The following LRBA variants were observed in gnomAD, a reference collection of about 807,000 sequenced individuals.
The protein encoded by LRBA is lipopolysaccharide-responsive and beige-like anchor protein.
Under a neutral mutation model 330.0 loss-of-function variants are expected in LRBA, and 176 were observed. That is an observed-to-expected ratio of 0.53 (90% confidence interval 0.47 to 0.60). LRBA has a LOEUF of 0.60. LRBA is among the 20% of genes least tolerant of loss of function. The pLI, the probability that LRBA is intolerant of heterozygous loss-of-function variation, is 0.00. For synonymous variants in LRBA, 1,230 were observed against 1,193.0 expected (o/e 1.03, Z -0.64); for missense variants, 3,259 against 3,444.8 (o/e 0.95, Z 1.35).
chr4:150,954,188 T>TG (rs1182607833), intron 2 of LRBA, among the ~76,000 whole-genome samples: 10 of 145,470 alleles, frequency 6.9e-5, no homozygotes, highest in East Asian at 2.1e-4. Context: ...GTCCAGAAGG[T>TG]GGGGGGCCCC....
At chr4:150,418,947 A>C (rs971920774) in intron 46 of LRBA, among the ~76,000 whole-genome samples, 3 of 152,156 alleles carry the variant, frequency 2.0e-5, no homozygotes, top group African/African-American at 7.2e-5. Context: ...AAGTTCTCAA[A>C]ATCTACAGTC....
intron 36 of LRBA, among the ~76,000 whole-genome samples, chr4:150,719,361 C>T (rs1212078716): frequency 6.6e-6 from 1 of 151,918 alleles, no homozygotes; most frequent in Non-Finnish European, 1.5e-5. Flanking sequence ...CCCATAGTTA[C>T]AACAAAGAAA....
At chr4:150,575,291 C>T (rs1299061445) in intron 40 of LRBA, among the ~76,000 whole-genome samples, 1 of 151,806 alleles carries the variant, frequency 6.6e-6, no homozygotes, top group Non-Finnish European at 1.5e-5. Context: ...GTTGTTTAAC[C>T]ACTACAAGCA....
intron 7 of LRBA, among the ~76,000 whole-genome samples, 155 bp downstream of exon 7, chr4:150,916,246 A>G (rs1194827078): frequency 1.3e-5 from 2 of 152,216 alleles, no homozygotes; most frequent in Non-Finnish European, 2.9e-5. Flanking sequence ...TCCAAATCAG[A>G]GAGGTCAATT....
intron 48 of LRBA, among the ~76,000 whole-genome samples, chr4:150,348,194 TA>T (rs1736666115): frequency 6.6e-6 from 1 of 152,082 alleles, no homozygotes; most frequent in African/African-American, 2.4e-5. Context: ...CAATCCAGAA[TA>T]AAAATAAAAA....
At chr4:150,857,863 G>T (rs1164543687) in intron 22 of LRBA, among the ~76,000 whole-genome samples, 1 of 152,086 alleles carries the variant, frequency 6.6e-6, no homozygotes, top group Non-Finnish European at 1.5e-5. Flanking sequence ...TGAATCTTAT[G>T]CTCTTTACTT....
chr4:150,475,489 C>T lies in LRBA; in HGVS notation c.6552-3750G>A, dbSNP rs527404848. Among the ~76,000 whole-genome samples, 5 of 152,196 alleles carry T rather than the reference C, an allele frequency of 3.3e-5. No homozygotes were observed. In the South Asian group the frequency reaches 1.0e-3, roughly 32 times the overall value. On this transcript the variant is annotated intron_variant, in intron 42 of 56. Coordinates refer to ENST00000651943, the MANE Select transcript of LRBA (RefSeq NM_001364905.1). ...ATAGGTCTATTCAAATTTCCAATTT[C>T]TTTTTGAGCCAGTTTTGGCAATTCT...
intron 31 of LRBA, among the ~76,000 whole-genome samples, chr4:150,815,159 C>T (rs1744376854): frequency 1.3e-5 from 2 of 151,832 alleles, no homozygotes; most frequent in African/African-American, 2.4e-5. Context: ...GAAAAATTTA[C>T]TATACCTGAA....
intron 42 of LRBA, among the ~76,000 whole-genome samples, chr4:150,475,824 A>G (rs1756642529): frequency 6.6e-6 from 1 of 151,892 alleles, no homozygotes; most frequent in African/African-American, 2.4e-5. Flanking sequence ...GGGTGGCTTG[A>G]GCCCAGGAGT....
intron 37 of LRBA, among the ~76,000 whole-genome samples, chr4:150,600,604 T>G (rs1355924801): frequency 6.6e-6 from 1 of 152,114 alleles, no homozygotes; most frequent in East Asian, 1.9e-4. Flanking sequence ...AGATATAATG[T>G]AATCAAAATG....
chr4:150,594,473 C>T (rs1277032455), intron 38 of LRBA, among the ~76,000 whole-genome samples: 2 of 152,022 alleles, frequency 1.3e-5, no homozygotes, highest in Non-Finnish European at 2.9e-5. Flanking sequence ...ATATTCTACA[C>T]ACGTCTAAAA....
chr4:150,853,776 T>C (rs1276535511), intron 22 of LRBA, among the ~76,000 whole-genome samples: 2 of 152,194 alleles, frequency 1.3e-5, no homozygotes, highest in Non-Finnish European at 2.9e-5. Context: ...TGATTTCCAT[T>C]GGTGTTTCAA....
chr4:150,456,215 C>A (rs767003592), intron 44 of LRBA, among the ~76,000 whole-genome samples: 2 of 152,018 alleles, frequency 1.3e-5, no homozygotes, highest in Non-Finnish European at 2.9e-5. Context: ...GATCATATGG[C>A]AGCTCATTTT....
intron 40 of LRBA, among the ~76,000 whole-genome samples, chr4:150,564,473 A>G (rs1768853847): frequency 6.6e-6 from 1 of 152,226 alleles, no homozygotes. Flanking sequence ...GGACACAGGC[A>G]TGGGCAAGGA....
chr4:150,430,531 C>CT (rs1561166713), intron 46 of LRBA, among the ~76,000 whole-genome samples: 1 of 151,978 alleles, frequency 6.6e-6, no homozygotes, highest in East Asian at 1.9e-4. Context: ...ACTTGTTTTA[C>CT]TGTAGGTATC....
chr4:150,791,985 C>T (rs909845957), intron 34 of LRBA, among the ~76,000 whole-genome samples: 1 of 139,988 alleles, frequency 7.1e-6, no homozygotes, highest in East Asian at 2.1e-4. Flanking sequence ...GCAGAAATCG[C>T]GCCACTGCAC....
chr4:150,540,479 G>A (rs959112483), intron 40 of LRBA, among the ~76,000 whole-genome samples: 2 of 152,184 alleles, frequency 1.3e-5, no homozygotes, highest in African/African-American at 4.8e-5. Context: ...ACAGGCATGA[G>A]CCACCAGCGC....
chr4:150,868,216 T>C lies in LRBA; in HGVS notation c.2539A>G (p.Ile847Val). Residue 847 changes from isoleucine to valine, a missense_variant, in exon 21 of 57, where the codon ATT becomes GTT. Transcript: ENST00000651943. ...TCTCTACTGTTATTAAAAAGTTTAA[T>C]CATGTCAGAAAGAAAGGCTCTGCGA... The part of the protein sequence containing the change: ...EVRRAFLSDM[I>V]KLFNNSRENR... The C allele has an allele frequency of 6.2e-7, 1 of 1,612,678 alleles. No homozygotes were observed. The highest frequency in any genetic ancestry group is 8.5e-7 in the Non-Finnish European group (1 of 1,179,048).
chr4:150,278,924 A>C (rs1164085934), intron 55 of LRBA, among the ~76,000 whole-genome samples: 1 of 151,960 alleles, frequency 6.6e-6, no homozygotes. Context: ...TCTCAGGTTC[A>C]AGTGATTCTC....
Sources: allele counts gnomAD v4.1 joint callset (sites outside exome capture counted in the v4.1 genomes callset), GRCh38; gene constraint gnomAD v4.1.1; transcripts MANE v1.5; gene names NCBI Gene and HGNC (gene_info 2026-07-23, HGNC 2026-07-21).